Variants in WASHC3 observed in about 807,000 individuals in gnomAD.
The protein encoded by WASHC3 is WASH complex subunit 3.
A neutral mutation model predicts 26.1 loss-of-function variants in WASHC3; 24 were observed. The ratio of observed to expected loss-of-function variants is 0.92; its 90% CI spans 0.66 to 1.29. WASHC3 has a LOEUF of 1.29. Among genes scored for constraint, WASHC3 ranks in the 50% most tolerant of loss-of-function variants. WASHC3 has a pLI of 0.00. For synonymous variants in WASHC3, 77 were observed against 75.7 expected (o/e 1.02, Z -0.09); for missense variants, 214 against 229.6 (o/e 0.93, Z 0.44).
chr12:102,059,068 C>A (rs554905566), intron 2 of WASHC3, among the ~76,000 whole-genome samples: 1 of 151,874 alleles, frequency 6.6e-6, no homozygotes, highest in Non-Finnish European at 1.5e-5. Context: ...TGGGGAGATG[C>A]GGTTAAAGGA....
At chr12:102,058,572 G>A (rs191715415) in intron 2 of WASHC3, among the ~76,000 whole-genome samples, 1 of 152,258 alleles carries the variant, frequency 6.6e-6, no homozygotes, top group African/African-American at 2.4e-5. Context: ...AACCATATAT[G>A]TGATGAAGGG....
At chr12:102,039,764 G>T in intron 5 of WASHC3, 104 bp downstream of exon 5, 2 of 502,882 alleles carry the variant, frequency 4.0e-6, no homozygotes, top group East Asian at 3.0e-5. Context: ...TTGGTTACTT[G>T]GTTTAGCAGT....
chr12:102,013,230 C>T (rs1299686585), intron 6 of WASHC3, 38 bp from the exon 7 acceptor site: 3 of 1,053,924 alleles, frequency 2.8e-6, no homozygotes, highest in Non-Finnish European at 4.2e-6. Flanking sequence ...AGGTCTTTTC[C>T]AATTGAAAAG....
chr12:102,050,685 A>G (rs1449041279), intron 2 of WASHC3: 1 of 421,718 alleles, frequency 2.4e-6, no homozygotes, highest in Admixed American at 2.8e-5. Flanking sequence ...ACAAACAAAC[A>G]AAAAACCAAA....
intron 5 of WASHC3, among the ~76,000 whole-genome samples, chr12:102,030,919 G>T (rs1877407885): frequency 8.5e-5 from 13 of 152,082 alleles, no homozygotes; most frequent in Admixed American, 8.5e-4. Context: ...ATTGCTTACT[G>T]CCCTCTAACA....
intron 5 of WASHC3, among the ~76,000 whole-genome samples, chr12:102,030,463 C>T (rs1877389431): frequency 6.6e-6 from 1 of 151,902 alleles, no homozygotes; most frequent in Non-Finnish European, 1.5e-5. Flanking sequence ...TCGAAGCTTT[C>T]AGTGAAGAAA....
intron 2 of WASHC3, among the ~76,000 whole-genome samples, chr12:102,058,248 TA>T (rs1878669310): frequency 1.3e-5 from 2 of 152,000 alleles, no homozygotes; most frequent in Admixed American, 6.5e-5. Context: ...CTTTACCATA[TA>T]AAAAAATTTA....
chr12:102,036,628 TA>T lies in WASHC3; in HGVS notation c.435+3239del, dbSNP rs1877675428. Among the ~76,000 whole-genome samples the T allele has an allele frequency of 2.0e-5, 3 of 152,094 alleles. No individual in the cohort carries two copies. In the South Asian group the frequency reaches 6.2e-4, roughly 32 times the overall value. ...ATATATGAACCAATTACATAAAAATTAAGAGCAGATAGAAGAATGATTGATG... is the reference window on the plus strand; with the variant it reads ...ATATATGAACCAATTACATAAAAATTAGAGCAGATAGAAGAATGATTGATG... On this transcript the variant is annotated intron_variant, in intron 5 of 6. Transcript: ENST00000240079.
chr12:102,024,206 G>C (rs1877077449), intron 6 of WASHC3, among the ~76,000 whole-genome samples: 1 of 152,202 alleles, frequency 6.6e-6, no homozygotes, highest in African/African-American at 2.4e-5. Flanking sequence ...GAATCTTGAT[G>C]ATAAAACCAT....
In WASHC3 at chr12:102,017,767, G is replaced by A. The variant is rs764591514; in HGVS notation, c.501-4575C>T. On this transcript the variant is annotated intron_variant, in intron 6 of 6. Coordinates refer to ENST00000240079, the MANE Select transcript of WASHC3 (RefSeq NM_016053.4). ...TTTCTCCACACCGTCAGCAACACTTGTTATTGTCTGTCTTCATTTTTTTCT... is the reference window on the plus strand; with the variant it reads ...TTTCTCCACACCGTCAGCAACACTTATTATTGTCTGTCTTCATTTTTTTCT... 6.7e-5 allele frequency: 29 copies of A among 432,670 alleles called. No individual in the cohort carries two copies. The East Asian group carries it at 1.8e-3, about 27-fold the overall frequency. 26.8% of individuals were successfully genotyped at this position (432,670 alleles called of 1,614,324 possible).
intron 6 of WASHC3, among the ~76,000 whole-genome samples, chr12:102,023,145 T>C (rs945471667): frequency 6.6e-6 from 1 of 152,218 alleles, no homozygotes; most frequent in Non-Finnish European, 1.5e-5. Context: ...CCTAAAATTC[T>C]GTAATAGTCA....
intron 2 of WASHC3, among the ~76,000 whole-genome samples, chr12:102,058,744 T>A (rs1224700042): frequency 6.6e-6 from 1 of 152,110 alleles, no homozygotes; most frequent in Non-Finnish European, 1.5e-5. Flanking sequence ...TCAAGAGACA[T>A]CTGTACTTGA....
intron 2 of WASHC3, among the ~76,000 whole-genome samples, chr12:102,049,705 G>A (rs1161717316): frequency 3.9e-5 from 6 of 152,162 alleles, no homozygotes; most frequent in Non-Finnish European, 8.8e-5. Context: ...TTAAGATAAT[G>A]GATCTCTTGG....
intron 5 of WASHC3, among the ~76,000 whole-genome samples, chr12:102,027,306 T>C (rs1877238570): frequency 6.6e-6 from 1 of 152,192 alleles, no homozygotes; most frequent in Non-Finnish European, 1.5e-5. Flanking sequence ...ACCTATCATA[T>C]GTACACTTGT....
intron 5 of WASHC3, among the ~76,000 whole-genome samples, chr12:102,038,114 G>A (rs1300972418): frequency 4.6e-5 from 7 of 151,920 alleles, no homozygotes; most frequent in Non-Finnish European, 2.9e-5. Flanking sequence ...TATTTTATAT[G>A]TATATTTATG....
chr12:102,014,743 G>A (rs1006894384), intron 6 of WASHC3, among the ~76,000 whole-genome samples: 1 of 152,122 alleles, frequency 6.6e-6, no homozygotes, highest in Admixed American at 6.5e-5. Context: ...TGCTCCATCT[G>A]CCTAAAATAC....
intron 4 of WASHC3, among the ~76,000 whole-genome samples, chr12:102,042,722 C>CT (rs1343021351): frequency 2.0e-5 from 3 of 152,212 alleles, no homozygotes; most frequent in Non-Finnish European, 4.4e-5. Context: ...GTTATCATCA[C>CT]TGTCAACATC....
At chr12:102,026,863 C>T (rs2121353429) in intron 5 of WASHC3, among the ~76,000 whole-genome samples, 1 of 152,224 alleles carries the variant, frequency 6.6e-6, no homozygotes, top group South Asian at 2.1e-4. Context: ...AATTTGAGGG[C>T]CTTGATTCTA....
At chr12:102,024,816 G>T (rs958616816) in intron 6 of WASHC3, among the ~76,000 whole-genome samples, 3 of 152,196 alleles carry the variant, frequency 2.0e-5, no homozygotes, top group Non-Finnish European at 4.4e-5. Context: ...TACCAAAATG[G>T]ATTGAACCTA....
Sources: gnomAD v4.1 joint callset for allele counts (sites outside exome capture counted in the v4.1 genomes callset) on GRCh38, gnomAD v4.1.1 for gene constraint, MANE v1.5 for transcripts, NCBI Gene and HGNC (gene_info 2026-07-23, HGNC 2026-07-21) for gene names.